The following UGT2B15 variants were observed in gnomAD, a reference collection of about 807,000 sequenced individuals.
UGT2B15 encodes UDP-glucuronosyltransferase 2B15.
In UGT2B15, 36 loss-of-function variants were observed where a neutral mutation model predicts 45.9. The ratio of observed to expected loss-of-function variants is 0.78; its 90% CI spans 0.60 to 1.04. UGT2B15 has a LOEUF of 1.04. Among genes scored for constraint, UGT2B15 ranks in the 50% least tolerant of loss-of-function variants. UGT2B15 has a pLI of 0.00. For missense variants in UGT2B15, 617 were observed against 622.4 expected (o/e 0.99, Z 0.09); for synonymous variants, 219 against 216.4 (o/e 1.01, Z -0.11).
intron 3 of UGT2B15, among the ~76,000 whole-genome samples, chr4:68,658,790 TAA>T (rs973728622): frequency 1.3e-5 from 2 of 152,050 alleles, no homozygotes; most frequent in African/African-American, 4.8e-5. Flanking sequence ...TCAACTCATA[TAA>T]GTTTTTTTCC....
chr4:68,657,764 A>G (rs1409949119), intron 3 of UGT2B15, among the ~76,000 whole-genome samples: 1 of 152,062 alleles, frequency 6.6e-6, no homozygotes, highest in African/African-American at 2.4e-5. Flanking sequence ...TTTTCTATTA[A>G]GATAAAAACC....
At chr4:68,662,540 T>G (rs1732996733) in intron 3 of UGT2B15, among the ~76,000 whole-genome samples, 1 of 147,686 alleles carries the variant, frequency 6.8e-6, no homozygotes, top group Non-Finnish European at 1.5e-5. Context: ...ACAGCCAGAT[T>G]GCTTGGTAAG....
chr4:68,669,949 A>G lies in UGT2B15; in HGVS notation c.670T>C (p.Trp224Arg). 1 of 1,613,076 alleles carries G rather than the reference A, an allele frequency of 6.2e-7. No individual in the cohort carries two copies. Among genetic ancestry groups the G allele is most frequent in the Non-Finnish European group, 8.5e-7 (1 of 1,179,798 alleles). The change falls in exon 1 of 6, where the codon TGG becomes CGG. Residue 224 changes from tryptophan to arginine, a missense_variant. Trp to Arg is a moderately radical substitution (Grantham distance 101). This residue lies in a region of UGT2B15 where 351 missense variants were observed against 342.1 expected (regional missense o/e 1.03). Coordinates refer to ENST00000338206, the MANE Select transcript of UGT2B15 (RefSeq NM_001076.4). ...TTCTTCAGATCATAAATTTGAAACC[A>G]AAAGTCAAAATAAAGCATATGTATC... Reference protein sequence around the residue: ...NMIHMLYFDFWFQIYDLKKWD... With the variant: ...NMIHMLYFDFRFQIYDLKKWD...
intron 5 of UGT2B15, among the ~76,000 whole-genome samples, chr4:68,649,454 A>T (rs1373409669): frequency 6.6e-6 from 1 of 151,400 alleles, no homozygotes; most frequent in African/African-American, 2.4e-5. Flanking sequence ...TAAGTTTTGT[A>T]TTATTAGTGG....
In UGT2B15 at chr4:68,655,192, C is replaced by G; in HGVS notation, c.1006-10G>C. Reference sequence around the variant, plus strand: ...CAAATCTCCATAGAACCTGTTAGGGCAAGGAAAATATCTTGTTCAATGAAT... The same window carrying G: ...CAAATCTCCATAGAACCTGTTAGGGGAAGGAAAATATCTTGTTCAATGAAT... On this transcript the variant is annotated splice_polypyrimidine_tract_variant and intron_variant, in intron 3 of 5. Coordinates refer to ENST00000338206, the MANE Select transcript of UGT2B15 (RefSeq NM_001076.4). 6.2e-7 allele frequency: 1 copy of G among 1,612,488 alleles called. No individual in the cohort carries two copies. Among genetic ancestry groups the G allele is most frequent in the Non-Finnish European group, 8.5e-7 (1 of 1,179,096 alleles).
chr4:68,670,373 A>G lies in UGT2B15; in HGVS notation c.246T>C (p.Thr82=). ...IKLEVYPTSL[T]KNYLEDSLLK... ...GAAGAGAATCTTCCAAATAATTTTT[A>G]GTTAAAGATGTAGGATAAACTTCTA... Residue 82 remains threonine, a synonymous_variant, in exon 1 of 6, where the codon ACT becomes ACC. Coordinates refer to ENST00000338206, the MANE Select transcript of UGT2B15 (RefSeq NM_001076.4). 6.2e-7 allele frequency: 1 copy of G among 1,613,318 alleles called. No individual in the cohort carries two copies. The highest frequency in any genetic ancestry group is 1.7e-5 in the Admixed American group (1 of 59,744).
At chr4:68,661,876 C>T (rs1732977633) in intron 3 of UGT2B15, among the ~76,000 whole-genome samples, 2 of 152,088 alleles carry the variant, frequency 1.3e-5, no homozygotes, top group African/African-American at 4.8e-5. Flanking sequence ...TATTTTGCTG[C>T]ATTTTGCTTA....
chr4:68,653,426 G>A (rs1284553889), intron 5 of UGT2B15, among the ~76,000 whole-genome samples: 2 of 151,952 alleles, frequency 1.3e-5, no homozygotes, highest in African/African-American at 4.8e-5. Context: ...TATAAAATAT[G>A]TGAAGAGAAT....
intron 2 of UGT2B15, among the ~76,000 whole-genome samples, chr4:68,663,349 A>G (rs1733020452): frequency 6.6e-6 from 1 of 152,030 alleles, no homozygotes; most frequent in Non-Finnish European, 1.5e-5. Context: ...ATGTGTGCAT[A>G]TGCATGTATG....
intron 3 of UGT2B15, among the ~76,000 whole-genome samples, chr4:68,659,976 A>C (rs894112691): frequency 6.0e-5 from 9 of 149,486 alleles, no homozygotes; most frequent in Non-Finnish European, 3.0e-5. Context: ...AGCTATTAAC[A>C]GCTTTTAACA....
At chr4:68,661,426 A>G (rs146218549) in intron 3 of UGT2B15, among the ~76,000 whole-genome samples, 141,262 of 151,932 alleles carry the variant, frequency 0.93, 66,568 homozygotes, top group East Asian at 1. Flanking sequence ...AGAATTGTTA[A>G]GCAGTCTTAA....
Position 68,655,137 on chromosome 4 carries a change from T to C in UGT2B15, c.1051A>G (p.Asn351Asp), listed in dbSNP as rs751655131. Residue 351 changes from asparagine to aspartate, a missense_variant, in exon 4 of 6, where the codon AAT becomes GAT. Asn to Asp is a conservative substitution (Grantham distance 23, BLOSUM62 1). Transcript: ENST00000338206. ...GGTAACCACTTGTACAGTCGAGTATTGGAACCTAAAGTATTTGGCTTCTTG... is the reference window on the plus strand; with the variant it reads ...GGTAACCACTTGTACAGTCGAGTATCGGAACCTAAAGTATTTGGCTTCTTG... ...DGKKPNTLGS[N>D]TRLYKWLPQN... The C allele has an allele frequency of 7.4e-6, 12 of 1,613,348 alleles. No individual in the cohort carries two copies. In the Admixed American group the frequency reaches 1.3e-4, roughly 18 times the overall value.
At chr4:68,651,618 CT>C (rs1274040587) in intron 5 of UGT2B15, among the ~76,000 whole-genome samples, 1 of 151,528 alleles carries the variant, frequency 6.6e-6, no homozygotes, top group Non-Finnish European at 1.5e-5. Context: ...CAAAACATTT[CT>C]TAAATAAGGA....
chr4:68,650,472 A>T (rs1732621404), intron 5 of UGT2B15, among the ~76,000 whole-genome samples: 1 of 152,140 alleles, frequency 6.6e-6, no homozygotes, highest in Non-Finnish European at 1.5e-5. Flanking sequence ...TGCAACAGAC[A>T]TGATCTCATT....
At chr4:68,650,508 T>C (rs1732622298) in intron 5 of UGT2B15, among the ~76,000 whole-genome samples, 1 of 152,134 alleles carries the variant, frequency 6.6e-6, no homozygotes, top group South Asian at 2.1e-4. Flanking sequence ...TAGTATTCCA[T>C]AGTGTACATG....
In UGT2B15 at chr4:68,670,634, TG is replaced by T. The variant is rs753983686; in HGVS notation, c.-17del. 1.7e-5 allele frequency: 26 copies of T among 1,538,034 alleles called. No individual in the cohort carries two copies. Among genetic ancestry groups the T allele is most frequent in the Middle Eastern group, 1.8e-4 (1 of 5,712 alleles). On this transcript the variant is annotated 5_prime_UTR_variant, in exon 1 of 6. Transcript: ENST00000338206. ...TCAGAGACATCCTGGTCTTATGCAA[TG>T]CTTCTTTTCCAGTTGTTGTTTCTTT...
chr4:68,659,319 CCAAA>C (rs1382012201), intron 3 of UGT2B15, among the ~76,000 whole-genome samples: 1 of 151,786 alleles, frequency 6.6e-6, no homozygotes, highest in South Asian at 2.1e-4. Context: ...GAGAAATTTT[CCAAA>C]CAAATTATAA....
At chr4:68,647,642 AT>A (rs1312069305) in intron 5 of UGT2B15, among the ~76,000 whole-genome samples, 1 of 152,124 alleles carries the variant, frequency 6.6e-6, no homozygotes, top group Non-Finnish European at 1.5e-5. Flanking sequence ...GGAGCAGAAA[AT>A]ATTATGAGCC....
At chr4:68,668,286 C>T (rs1733202248) in intron 1 of UGT2B15, 98 bp from the exon 2 acceptor site, 3 of 1,538,118 alleles carry the variant, frequency 2.0e-6, no homozygotes, top group South Asian at 1.2e-5. Context: ...AATAACATAC[C>T]CAAACATATA....
Sources: gnomAD v4.1 joint callset for allele counts (sites outside exome capture counted in the v4.1 genomes callset) on GRCh38, gnomAD v4.1.1 for gene constraint, gnomAD v4.1.1 regional missense constraint, MANE v1.5 for transcripts, NCBI Gene and HGNC (gene_info 2026-07-23, HGNC 2026-07-21) for gene names.